Variants in ASCC3 observed in about 807,000 individuals in gnomAD.
The protein encoded by ASCC3 is activating signal cointegrator 1 complex subunit 3, also known as ASC-1 complex subunit P200.
ASCC3 carries 158 observed loss-of-function variants against 256.3 expected under a neutral mutation model. The observed-to-expected ratio is 0.62, with a 90% confidence interval of 0.54 to 0.70. The LOEUF (loss-of-function observed/expected upper bound fraction) is 0.70, where lower values mean the gene tolerates loss of function less well. Among genes scored for constraint, ASCC3 ranks in the 30% least tolerant of loss-of-function variants. The pLI, the probability that ASCC3 is intolerant of heterozygous loss-of-function variation, is 0.00. For synonymous variants in ASCC3, 948 were observed against 883.4 expected, an observed-to-expected ratio of 1.07 and a Z score of -1.30; for missense variants, 2,259 against 2,626.0, an observed-to-expected ratio of 0.86 and a Z score of 3.05.
intron 36 of ASCC3, among the ~76,000 whole-genome samples, chr6:100,567,583 CCA>C (rs1166873270): frequency 6.6e-6 from 1 of 152,238 alleles, no homozygotes; most frequent in East Asian, 1.9e-4. Flanking sequence ...CTAGCAGTCT[CCA>C]GTGTCTACAG....
chr6:100,628,021 T>C, intron 27 of ASCC3, 34 bp from the exon 28 acceptor site: 1 of 1,608,584 alleles, frequency 6.2e-7, no homozygotes, highest in South Asian at 1.1e-5. Flanking sequence ...GTTAATCATT[T>C]AACAAGCCTG....
At chr6:100,554,817 A>T (rs190223828) in intron 36 of ASCC3, among the ~76,000 whole-genome samples, 124 of 151,954 alleles carry the variant, frequency 8.2e-4, no homozygotes, top group Non-Finnish European at 1.5e-3. Flanking sequence ...ATCAACGGAT[A>T]AAAAAAATGC....
chr6:100,608,146 C>CTA lies in ASCC3; in HGVS notation c.4786-1060_4786-1059dup, dbSNP rs1773068564. Among the ~76,000 whole-genome samples the CTA allele has an allele frequency of 4.9e-5, 2 of 41,092 alleles. 1 individual carries two copies. Among genetic ancestry groups the CTA allele is most frequent in the Non-Finnish European group, 1.0e-4 (2 of 19,584 alleles). 27.0% of individuals were successfully genotyped at this position (41,092 alleles called of 152,430 possible). A position where few individuals can be genotyped will look rare whatever the true frequency, so the allele number is the denominator to read the frequency against. On this transcript the variant is annotated intron_variant, in intron 30 of 41. Coordinates refer to ENST00000369162, the MANE Select transcript of ASCC3 (RefSeq NM_006828.4). ...TATATACATATATATGTATATATATCTATATATACATATTTATATACATAT... is the reference window on the plus strand; with the variant it reads ...TATATACATATATATGTATATATATCTATATATATACATATTTATATACATAT...
chr6:100,705,906 T>G (rs6907240), intron 13 of ASCC3, among the ~76,000 whole-genome samples: 3 of 151,646 alleles, frequency 2.0e-5, no homozygotes. Context: ...TCGTTGACCA[T>G]TGTTATTGGT....
chr6:100,786,679 C>T (rs1769097856), intron 8 of ASCC3, among the ~76,000 whole-genome samples: 1 of 152,142 alleles, frequency 6.6e-6, no homozygotes, highest in African/African-American at 2.4e-5. Context: ...AACAGAGACT[C>T]TTTAGCTTCA....
chr6:100,854,809 A>G (rs1772860251), intron 3 of ASCC3, among the ~76,000 whole-genome samples: 1 of 152,186 alleles, frequency 6.6e-6, no homozygotes, highest in Admixed American at 6.5e-5. Context: ...CATCATTTTG[A>G]GCATCACTAA....
At chr6:100,602,313 T>C (rs1452814086) in intron 33 of ASCC3, among the ~76,000 whole-genome samples, 1 of 152,056 alleles carries the variant, frequency 6.6e-6, no homozygotes, top group African/African-American at 2.4e-5. Context: ...ATTATAATAA[T>C]ATTTTTCCAG....
chr6:100,717,763 C>T (rs1287711377), intron 12 of ASCC3, among the ~76,000 whole-genome samples: 3 of 151,970 alleles, frequency 2.0e-5, no homozygotes, highest in African/African-American at 7.2e-5. Flanking sequence ...CAATGCCCTT[C>T]AATCATTTCA....
chr6:100,866,374 T>C (rs1469888054), intron 2 of ASCC3, among the ~76,000 whole-genome samples: 2 of 152,260 alleles, frequency 1.3e-5, no homozygotes, highest in African/African-American at 4.8e-5. Context: ...AGAAGATTTA[T>C]GTACTTCAAA....
chr6:100,832,197 C>T (rs1398687079), intron 4 of ASCC3, among the ~76,000 whole-genome samples: 1 of 151,978 alleles, frequency 6.6e-6, no homozygotes, highest in East Asian at 1.9e-4. Flanking sequence ...TATAGAAATA[C>T]ATGAATATTC....
At chr6:100,770,678 T>A (rs1203939305) in intron 8 of ASCC3, among the ~76,000 whole-genome samples, 1 of 152,020 alleles carries the variant, frequency 6.6e-6, no homozygotes, top group Middle Eastern at 3.2e-3. Context: ...AAAAATTACA[T>A]TTCTATATAC....
chr6:100,872,309 T>C (rs1773781533), intron 1 of ASCC3, among the ~76,000 whole-genome samples: 1 of 152,194 alleles, frequency 6.6e-6, no homozygotes, highest in Admixed American at 6.5e-5. Flanking sequence ...ACTTCATTTT[T>C]ATTCTAACTC....
chr6:100,699,866 C>G (rs886744518), intron 13 of ASCC3, among the ~76,000 whole-genome samples: 1 of 152,160 alleles, frequency 6.6e-6, no homozygotes, highest in Non-Finnish European at 1.5e-5. Flanking sequence ...TTCAGGGTAT[C>G]TGCTGGAAGA....
Position 100,848,521 on chromosome 6 carries a change from T to A in ASCC3, c.428A>T (p.Gln143Leu). The A allele has an allele frequency of 1.9e-6, 3 of 1,614,116 alleles. No homozygotes were observed. In the South Asian group the frequency reaches 3.3e-5, roughly 18 times the overall value. Residue 143 changes from glutamine (Q) to leucine (L), a missense_variant, in exon 4 of 42, where the codon CAA becomes CTA. Physicochemically the swap from Gln to Leu is moderately radical, Grantham distance 113. Around this residue, in one of 2 missense-constraint regions of ASCC3, gnomAD observed 420 missense variants for 419.3 expected, o/e 1.00. Coordinates refer to ENST00000369162, the MANE Select transcript of ASCC3 (RefSeq NM_006828.4). ...CTGCACAAGAGCAGTAAGATCATCT[T>A]GACTAAAATGAGAAATAATTCGATT... ...ATNRIISHFS[Q>L]DDLTALVQMT...
At chr6:100,620,808 GC>G (rs1244349950) in intron 30 of ASCC3, among the ~76,000 whole-genome samples, 10 of 152,138 alleles carry the variant, frequency 6.6e-5, no homozygotes, top group African/African-American at 2.4e-4. Flanking sequence ...TAAGCTTCCA[GC>G]CCAGAATATT....
chr6:100,815,359 A>G (rs1416866360), intron 4 of ASCC3, among the ~76,000 whole-genome samples: 1 of 152,110 alleles, frequency 6.6e-6, no homozygotes, highest in African/African-American at 2.4e-5. Context: ...TTATAGATTC[A>G]ATGCTATTCT....
At chr6:100,877,527 T>A (rs2114577475) in intron 1 of ASCC3, among the ~76,000 whole-genome samples, 1 of 152,314 alleles carries the variant, frequency 6.6e-6, no homozygotes, top group South Asian at 2.1e-4. Flanking sequence ...ATATTTATAA[T>A]CCTCCATTAT....
intron 8 of ASCC3, among the ~76,000 whole-genome samples, chr6:100,770,484 A>G (rs1781863043): frequency 7.3e-6 from 1 of 136,354 alleles, no homozygotes; most frequent in Admixed American, 7.5e-5. Flanking sequence ...CTGGAGTGCA[A>G]TTGGAAAAGG....
At chr6:100,520,526 C>T (rs1774252622) in intron 37 of ASCC3, among the ~76,000 whole-genome samples, 1 of 151,754 alleles carries the variant, frequency 6.6e-6, no homozygotes, top group Non-Finnish European at 1.5e-5. Context: ...CATTCAAATG[C>T]TACTTTTTAC....
Sources: allele counts gnomAD v4.1 joint callset (sites outside exome capture counted in the v4.1 genomes callset), GRCh38; gene constraint gnomAD v4.1.1; regional missense constraint gnomAD v4.1.1; transcripts MANE v1.5; gene names NCBI Gene and HGNC (gene_info 2026-07-23, HGNC 2026-07-21).